The following MEGF11 variants were observed in gnomAD, a reference collection of about 807,000 sequenced individuals.
MEGF11 encodes the protein multiple EGF like domains 11, also known as multiple epidermal growth factor-like domains protein 11.
MEGF11 carries 126 observed loss-of-function variants against 146.6 expected under a neutral mutation model. The ratio of observed to expected loss-of-function variants is 0.86; its 90% confidence interval spans 0.74 to 1.00. The LOEUF is 1.00. MEGF11 is among the 50% of genes least tolerant of loss of function. The pLI, the probability that MEGF11 is intolerant of heterozygous loss-of-function variation, is 0.00. For missense variants in MEGF11, 1,509 were observed against 1,521.2 expected (o/e 0.99, Z 0.13); for synonymous variants, 532 against 583.4 (o/e 0.91, Z 1.27).
intron 1 of MEGF11, among the ~76,000 whole-genome samples, chr15:66,135,247 G>GA (rs199893431): frequency 2.6e-5 from 4 of 151,238 alleles, no homozygotes; most frequent in South Asian, 2.1e-4. Flanking sequence ...GGAACTGGAA[G>GA]AAAAAAAAAG....
At chr15:65,970,909 A>G in intron 7 of MEGF11, 4 of 582,238 alleles carry the variant, frequency 6.9e-6, no homozygotes, top group Admixed American at 6.0e-5. Context: ...GGAACTGCCT[A>G]TTGTATACGA....
chr15:66,085,371 G>A (rs780529563), intron 5 of MEGF11, among the ~76,000 whole-genome samples: 3 of 152,154 alleles, frequency 2.0e-5, no homozygotes, highest in African/African-American at 4.8e-5. Context: ...AGGCCAACCA[G>A]CACAAAAAAA....
intron 5 of MEGF11, among the ~76,000 whole-genome samples, chr15:66,049,186 T>A (rs2084352247): frequency 6.6e-6 from 1 of 152,266 alleles, no homozygotes; most frequent in East Asian, 1.9e-4. Context: ...TTTCCTGGAC[T>A]GACTGCAAAC....
Position 66,045,104 on chromosome 15 carries a change from C to CA in MEGF11, c.394+49297dup, listed in dbSNP as rs1414195066. Among the ~76,000 whole-genome samples the CA allele has an allele frequency of 9.2e-5, 14 of 152,266 alleles. No individual in the cohort carries two copies. The South Asian group carries it at 2.7e-3, about 29-fold the overall frequency. ...CCCAAATCTAAAAGCCTTAAAATAA[C>CA]AAAAATGTATATATCGCTCATACAA... On this transcript the variant is annotated intron_variant, in intron 5 of 25. Transcript: ENST00000395614.
chr15:65,991,949 C>T lies in MEGF11; in HGVS notation c.395-9461G>A, dbSNP rs569090361. Among the ~76,000 whole-genome samples, 3 of 152,350 alleles carry T rather than the reference C, an allele frequency of 2.0e-5. No individual in the cohort carries two copies. In the South Asian group the frequency reaches 6.2e-4, roughly 32 times the overall value. ...AGAAGCCTGCAGTCAGTTTGAGAAA[C>T]AGACAAGCAAATGGGAAACTGTCAG... On this transcript the variant is annotated intron_variant, in intron 5 of 25. Transcript: ENST00000395614.
At chr15:66,112,791 G>A (rs2140872770) in intron 4 of MEGF11, among the ~76,000 whole-genome samples, 1 of 152,324 alleles carries the variant, frequency 6.6e-6, no homozygotes, top group South Asian at 2.1e-4. Context: ...ATGACTGAAA[G>A]CCTAGAATGT....
chr15:66,181,545 A>G (rs201110667), intron 1 of MEGF11, among the ~76,000 whole-genome samples: 1 of 78,910 alleles, frequency 1.3e-5, no homozygotes, highest in African/African-American at 6.6e-5. Context: ...CTATCATCCC[A>G]ATTTCCTGAA....
At chr15:65,963,279 G>A (rs1014965005) in intron 9 of MEGF11, among the ~76,000 whole-genome samples, 1 of 152,142 alleles carries the variant, frequency 6.6e-6, no homozygotes, top group African/African-American at 2.4e-5. Context: ...TTAGCGCCTT[G>A]GAGCTCTCAC....
chr15:66,080,085 G>A (rs1239834771), intron 5 of MEGF11, among the ~76,000 whole-genome samples: 2 of 152,216 alleles, frequency 1.3e-5, no homozygotes, highest in Non-Finnish European at 2.9e-5. Context: ...ACAGCCAAGG[G>A]CGGAGAGATG....
intron 1 of MEGF11, among the ~76,000 whole-genome samples, chr15:66,204,442 A>C (rs928368519): frequency 3.3e-5 from 5 of 152,148 alleles, no homozygotes; most frequent in African/African-American, 4.8e-5. Context: ...AAAAAAGAAG[A>C]AGCAGTTATA....
At chr15:65,921,067 T>C (rs2079156496) in intron 15 of MEGF11, among the ~76,000 whole-genome samples, 1 of 152,196 alleles carries the variant, frequency 6.6e-6, no homozygotes, top group South Asian at 2.1e-4. Context: ...CTCAAACTTC[T>C]CATGACCTCA....
intron 5 of MEGF11, among the ~76,000 whole-genome samples, chr15:66,008,787 G>C (rs1387266159): frequency 6.6e-6 from 1 of 150,820 alleles, no homozygotes; most frequent in Non-Finnish European, 1.5e-5. Flanking sequence ...TTGTGCCCCT[G>C]CGCTCCAGCT....
At chr15:66,000,262 TG>T (rs1162906128) in intron 5 of MEGF11, among the ~76,000 whole-genome samples, 1 of 152,176 alleles carries the variant, frequency 6.6e-6, no homozygotes, top group East Asian at 1.9e-4. Flanking sequence ...CATCTGCAGC[TG>T]GACATGGTGG....
chr15:65,924,960 C>T (rs1267786473), intron 13 of MEGF11, among the ~76,000 whole-genome samples: 1 of 152,108 alleles, frequency 6.6e-6, no homozygotes, highest in African/African-American at 2.4e-5. Context: ...TGTTGGAAAC[C>T]CAGGATTCAG....
intron 6 of MEGF11, among the ~76,000 whole-genome samples, chr15:65,981,703 A>C (rs533541108): frequency 1.3e-5 from 2 of 152,250 alleles, no homozygotes; most frequent in East Asian, 3.9e-4. Flanking sequence ...TCTCTGGGGA[A>C]CTGGAATGAG....
chr15:66,111,543 G>C (rs961423505), intron 4 of MEGF11, among the ~76,000 whole-genome samples: 3 of 152,214 alleles, frequency 2.0e-5, no homozygotes, highest in African/African-American at 7.2e-5. Flanking sequence ...GGGAACATTA[G>C]ACCTGGCTAC....
In MEGF11 at chr15:66,128,407, G is replaced by C. The variant is rs1043061030; in HGVS notation, c.-4C>G. ...GCCCCGTCAGGGAGAGCACCATCCC[G>C]GGCCCTGCACAGGAGAACAAAGGAG... On this transcript the variant is annotated 5_prime_UTR_variant, in exon 2 of 26. Coordinates refer to ENST00000395614, the MANE Select transcript of MEGF11 (RefSeq NM_001385028.1). 6.1e-6 allele frequency: 9 copies of C among 1,487,466 alleles called. No individual in the cohort carries two copies. The highest frequency in any genetic ancestry group is 4.3e-5 in the African/African-American group (3 of 70,056). 92.1% of individuals were successfully genotyped at this position (1,487,466 alleles called of 1,614,324 possible). A position where few individuals can be genotyped will look rare whatever the true frequency, so the allele number is the denominator to read the frequency against.
chr15:66,001,678 AAG>A (rs572970815), intron 5 of MEGF11, among the ~76,000 whole-genome samples: 267 of 151,748 alleles, frequency 1.8e-3, no homozygotes, highest in African/African-American at 6.0e-3. Flanking sequence ...CTGGGTCCTG[AAG>A]AGGTGGAGGT....
At chr15:66,174,403 T>C (rs530846646) in intron 1 of MEGF11, among the ~76,000 whole-genome samples, 6 of 152,296 alleles carry the variant, frequency 3.9e-5, no homozygotes, top group African/African-American at 1.4e-4. Context: ...CCCCGGTGAA[T>C]TGAGGCATGG....
Sources: allele counts gnomAD v4.1 joint callset (sites outside exome capture counted in the v4.1 genomes callset), GRCh38; gene constraint gnomAD v4.1.1; transcripts MANE v1.5; gene names NCBI Gene and HGNC (gene_info 2026-07-23, HGNC 2026-07-21).